The following WDR59 variants were observed in gnomAD, a reference collection of about 807,000 sequenced individuals.
The protein encoded by WDR59 is WD repeat domain 59.
WDR59 carries 100 observed loss-of-function variants against 131.2 expected under a neutral mutation model. The ratio of observed to expected loss-of-function variants is 0.76; its 90% CI spans 0.65 to 0.90. The LOEUF (loss-of-function observed/expected upper bound fraction) is 0.90, where lower values mean the gene tolerates loss of function less well. Ranked by LOEUF, WDR59 falls within the 40% of genes least tolerant of loss-of-function variation. WDR59 has a pLI of 0.00. For missense variants in WDR59, 1,203 were observed against 1,262.2 expected (o/e 0.95, Z 0.71); for synonymous variants, 601 against 466.2 (o/e 1.29, Z -3.72).
At chr16:74,892,392 C>T in intron 20 of WDR59, 92 bp downstream of exon 20, 2 of 1,106,100 alleles carry the variant, frequency 1.8e-6, no homozygotes, top group Non-Finnish European at 2.7e-6. Flanking sequence ...AAGACACACA[C>T]TTTGAAAATG....
At position 74,911,948 on chromosome 16, in the gene WDR59, C is replaced by T. The variant is rs149652701; in HGVS notation, c.1389+250G>A. The T allele has an allele frequency of 1.0e-3, 569 of 543,438 alleles. 2 individuals are homozygous for T. Among genetic ancestry groups the T allele is most frequent in the African/African-American group, 9.9e-3 (528 of 53,340 alleles). The allele number at this position is 543,438 out of a possible 1,614,324, so 33.7% of individuals were successfully genotyped here. On this transcript the variant is annotated intron_variant, in intron 14 of 25. Coordinates refer to ENST00000262144, the MANE Select transcript of WDR59 (RefSeq NM_030581.4). The stretch of plus-strand genomic sequence containing the variant: ...ATATGCAATCATTGTGCAGATTTTT[C>T]TGAGGAAGGGTCCATAATTTTCATT...
At chr16:74,953,000 G>T (rs2033089283) in intron 3 of WDR59, among the ~76,000 whole-genome samples, 1 of 152,070 alleles carries the variant, frequency 6.6e-6, no homozygotes, top group Non-Finnish European at 1.5e-5. Context: ...GCTAGTGCCA[G>T]TCCACCTTAA....
chr16:74,887,619 T>C, intron 23 of WDR59, 64 bp downstream of exon 23: 1 of 1,449,222 alleles, frequency 6.9e-7, no homozygotes, highest in Non-Finnish European at 9.6e-7. Context: ...CAACTAAAGG[T>C]TACATATGCA....
chr16:74,886,166 G>A, intron 24 of WDR59, 104 bp downstream of exon 24: 2 of 1,146,582 alleles, frequency 1.7e-6, no homozygotes. Context: ...GACCGGGTAA[G>A]ATTCTGTGTC....
chr16:74,959,004 A>G (rs1428788306), intron 2 of WDR59, among the ~76,000 whole-genome samples: 1 of 152,192 alleles, frequency 6.6e-6, no homozygotes, highest in Non-Finnish European at 1.5e-5. Flanking sequence ...GGATGCAGTG[A>G]GCCGAGATCG....
In WDR59 at chr16:74,941,860, C is replaced by T. The variant is rs551197199; in HGVS notation, c.534+878G>A. On this transcript the variant is annotated intron_variant, in intron 7 of 25. Transcript: ENST00000262144. ...CACGCCTGATCTCTGCTCCACTTCT[C>T]GCTTCTCTTCCAAACGTATGGAGGG... Among the ~76,000 whole-genome samples the T allele has an allele frequency of 6.6e-5, 10 of 152,282 alleles. No homozygotes were observed. In the East Asian group the frequency reaches 1.5e-3, roughly 24 times the overall value.
intron 21 of WDR59, 49 bp downstream of exon 21, chr16:74,889,654 C>A: frequency 6.7e-7 from 1 of 1,499,868 alleles, no homozygotes; most frequent in Non-Finnish European, 9.2e-7. Flanking sequence ...GTTTACAGAC[C>A]AAAAATGGAC....
intron 8 of WDR59, among the ~76,000 whole-genome samples, chr16:74,934,574 C>A (rs2031650019): frequency 6.6e-6 from 1 of 152,170 alleles, no homozygotes; most frequent in South Asian, 2.1e-4. Context: ...TCCATCCCCC[C>A]ATTCACAGAT....
chr16:74,874,216 G>A lies in WDR59; in HGVS notation c.2918C>T (p.Thr973Ile). Reference protein sequence around the residue: ...GCGCHCLLESTF With the variant: ...GCGCHCLLESIF ...TACCCAACTTCTGTAGGTTCAGAAA[G>A]TGCTTTCAAGCAGGCAGTGGCACCC... Residue 973 changes from threonine (T) to isoleucine (I), a missense_variant, in exon 26 of 26, where the codon ACT becomes ATT. Physicochemically the swap from Thr to Ile is moderately conservative, Grantham distance 89. Coordinates refer to ENST00000262144, the MANE Select transcript of WDR59 (RefSeq NM_030581.4). The A allele has an allele frequency of 3.1e-6, 5 of 1,613,650 alleles. No homozygotes were observed. The highest frequency in any genetic ancestry group is 3.4e-6 in the Non-Finnish European group (4 of 1,179,718).
rs1597647697 is a variant in WDR59, at chr16:74,889,776, C to A, written c.2122G>T (p.Gly708Cys). Residue 708 changes from glycine (G) to cysteine (C), a missense_variant, in exon 21 of 26, where the codon GGT becomes TGT. Gly to Cys is a radical substitution (Grantham distance 159, BLOSUM62 -3). Coordinates refer to ENST00000262144, the MANE Select transcript of WDR59 (RefSeq NM_030581.4). The part of the protein sequence containing the change: ...LATVATDLCL[G>C]PKSDPDLETP... ...TCCAAATCTGGGTCAGATTTCGGACCAAGGCAAAGATCTGTAGCTACCGTA... is the reference window on the plus strand; with the variant it reads ...TCCAAATCTGGGTCAGATTTCGGACAAAGGCAAAGATCTGTAGCTACCGTA... 1 of 1,614,036 alleles carries A rather than the reference C, an allele frequency of 6.2e-7. No individual in the cohort carries two copies. The highest frequency in any genetic ancestry group is 8.5e-7 in the Non-Finnish European group (1 of 1,179,994).
intron 5 of WDR59, 103 bp downstream of exon 5, chr16:74,949,615 C>T (rs570680492): frequency 9.2e-4 from 860 of 930,822 alleles, no homozygotes; most frequent in Non-Finnish European, 1.3e-3. Flanking sequence ...AAACTTGTCT[C>T]GAGGTCTGTA....
intron 8 of WDR59, among the ~76,000 whole-genome samples, chr16:74,931,289 T>A (rs1215874992): frequency 6.6e-6 from 1 of 152,198 alleles, no homozygotes; most frequent in Non-Finnish European, 1.5e-5. Context: ...TTAAATCGAA[T>A]GAATGAAAAC....
intron 17 of WDR59, among the ~76,000 whole-genome samples, chr16:74,908,298 G>T (rs1478762554): frequency 6.6e-6 from 1 of 152,012 alleles, no homozygotes; most frequent in African/African-American, 2.4e-5. Context: ...CACACGTGTA[G>T]TCCCAGCTAC....
intron 18 of WDR59, among the ~76,000 whole-genome samples, chr16:74,894,479 G>A (rs1161551982): frequency 2.0e-5 from 3 of 152,146 alleles, no homozygotes; most frequent in Non-Finnish European, 4.4e-5. Context: ...CATGTGTGAG[G>A]AGCCTGTATG....
chr16:74,895,405 G>A (rs1368706989), intron 18 of WDR59, among the ~76,000 whole-genome samples: 8 of 152,114 alleles, frequency 5.3e-5, no homozygotes, highest in Non-Finnish European at 1.2e-4. Flanking sequence ...TGGGATTACA[G>A]GCATGCACCA....
chr16:74,945,243 G>A (rs760271464), intron 6 of WDR59, among the ~76,000 whole-genome samples: 2 of 152,142 alleles, frequency 1.3e-5, no homozygotes, highest in South Asian at 4.1e-4. Context: ...TTGGGAGGCC[G>A]AGGCGGGTGG....
At chr16:74,911,255 T>C (rs913572597) in intron 14 of WDR59, among the ~76,000 whole-genome samples, 2 of 152,186 alleles carry the variant, frequency 1.3e-5, no homozygotes, top group African/African-American at 4.8e-5. Flanking sequence ...ATGTCCAAAC[T>C]AGGCAACGGC....
chr16:74,876,551 T>C (rs1438015996), intron 25 of WDR59, among the ~76,000 whole-genome samples: 3 of 152,218 alleles, frequency 2.0e-5, no homozygotes, highest in African/African-American at 4.8e-5. Flanking sequence ...TCATTAATAA[T>C]TGTGTTTCTC....
intron 18 of WDR59, among the ~76,000 whole-genome samples, chr16:74,900,630 T>C (rs1965507480): frequency 1.3e-5 from 2 of 152,222 alleles, no homozygotes; most frequent in South Asian, 4.1e-4. Flanking sequence ...CAAATGAATG[T>C]TAGCAATTTG....
Sources: gnomAD v4.1 joint callset for allele counts (sites outside exome capture counted in the v4.1 genomes callset) on GRCh38, gnomAD v4.1.1 for gene constraint, MANE v1.5 for transcripts, NCBI Gene and HGNC (gene_info 2026-07-23, HGNC 2026-07-21) for gene names.